Variants in GPHN observed in about 807,000 individuals in gnomAD.
GPHN encodes gephyrin.
GPHN carries 17 observed loss-of-function variants against 95.5 expected under a neutral mutation model. The observed-to-expected ratio is 0.18, with a 90% CI of 0.12 to 0.27. GPHN has a LOEUF of 0.27. GPHN is among the 10% of genes least tolerant of loss of function. GPHN has a pLI of 1.00. For synonymous variants in GPHN, 320 were observed against 322.5 expected (o/e 0.99, Z 0.08); for missense variants, 660 against 978.1 (o/e 0.67, Z 4.34).
At chr14:67,156,250 T>C (rs2081580228) in intron 18 of GPHN, among the ~76,000 whole-genome samples, 1 of 152,104 alleles carries the variant, frequency 6.6e-6, no homozygotes, top group Admixed American at 6.5e-5. Flanking sequence ...ATCAAGTATA[T>C]ATTGTCAACA....
intron 10 of GPHN, among the ~76,000 whole-genome samples, chr14:67,031,073 T>C (rs1266328493): frequency 1.3e-5 from 2 of 152,108 alleles, no homozygotes; most frequent in African/African-American, 2.4e-5. Flanking sequence ...ATCTCATGTA[T>C]CCACTTTGGC....
intron 2 of GPHN, among the ~76,000 whole-genome samples, chr14:66,745,478 C>T (rs1447659815): frequency 6.6e-6 from 1 of 151,870 alleles, no homozygotes; most frequent in East Asian, 1.9e-4. Flanking sequence ...TTAGATTTCT[C>T]CAATTATCTC....
At chr14:67,128,501 A>G (rs1226127698) in intron 17 of GPHN, among the ~76,000 whole-genome samples, 4 of 152,240 alleles carry the variant, frequency 2.6e-5, no homozygotes, top group Admixed American at 6.5e-5. Context: ...TTTATCTCAC[A>G]TTGAATAGCA....
At chr14:67,483,923 T>C in the GPHN span, among the ~76,000 whole-genome samples, 1 of 151,872 alleles carries the variant, frequency 6.6e-6, no homozygotes, top group Non-Finnish European at 1.5e-5. Flanking sequence ...GCAGGGTGAG[T>C]GGGCTTGGGG....
intron 1 of GPHN, among the ~76,000 whole-genome samples, chr14:66,578,055 A>G (rs1450491864): frequency 6.6e-6 from 1 of 151,964 alleles, no homozygotes; most frequent in African/African-American, 2.4e-5. Flanking sequence ...AACAATCTGA[A>G]CAAGAGAAGG....
chr14:66,945,967 C>G (rs2067723279), intron 8 of GPHN, among the ~76,000 whole-genome samples: 2 of 151,770 alleles, frequency 1.3e-5, no homozygotes, highest in African/African-American at 4.8e-5. Flanking sequence ...ATTTCTTTTT[C>G]TTTTTTTCTG....
intron 1 of GPHN, among the ~76,000 whole-genome samples, chr14:66,639,453 T>G (rs1351400193): frequency 1.3e-5 from 2 of 152,142 alleles, no homozygotes; most frequent in Non-Finnish European, 2.9e-5. Context: ...GATGAAGCGT[T>G]AGTTGCATTT....
chr14:67,175,556 T>G (rs1432212551), intron 21 of GPHN, among the ~76,000 whole-genome samples: 3 of 152,222 alleles, frequency 2.0e-5, no homozygotes, highest in Non-Finnish European at 4.4e-5. Context: ...GTCTTGGCAC[T>G]GAGGGCTCTT....
chr14:67,152,430 T>C (rs902981162), intron 18 of GPHN, among the ~76,000 whole-genome samples: 2 of 152,040 alleles, frequency 1.3e-5, no homozygotes, highest in African/African-American at 4.8e-5. Context: ...CTCATAAATA[T>C]ATAAAATGAA....
At chr14:67,690,249 G>A in the GPHN span, 20 of 1,614,008 alleles carry the variant, frequency 1.2e-5, no homozygotes, top group South Asian at 2.0e-4. Context: ...TGAAGAGGAT[G>A]TTGGCTAGCT....
the GPHN span, among the ~76,000 whole-genome samples, chr14:67,246,273 C>T: frequency 3.3e-5 from 5 of 151,568 alleles, no homozygotes; most frequent in Admixed American, 6.6e-5. Flanking sequence ...GGACCACAGG[C>T]GTGCCACCGC....
chr14:67,578,980 A>T, the GPHN span, among the ~76,000 whole-genome samples: 1 of 152,244 alleles, frequency 6.6e-6, no homozygotes, highest in Non-Finnish European at 1.5e-5. The surrounding 1 kb of genome is among the most constrained non-coding windows in gnomAD (Gnocchi z 5.0). Flanking sequence ...GTCCTGAATG[A>T]CAAATTAATG....
intron 2 of GPHN, among the ~76,000 whole-genome samples, chr14:66,757,132 TG>T (rs2058585484): frequency 6.6e-6 from 1 of 151,982 alleles, no homozygotes. Flanking sequence ...GAGGTGGAGG[TG>T]GGGAATCCAG....
At chr14:66,895,550 T>C (rs2064796951) in intron 5 of GPHN, among the ~76,000 whole-genome samples, 1 of 152,130 alleles carries the variant, frequency 6.6e-6, no homozygotes, top group African/African-American at 2.4e-5. Flanking sequence ...GGAAATAATA[T>C]TTTTGAAGTA....
At chr14:66,908,345 C>A (rs1470498010) in intron 5 of GPHN, among the ~76,000 whole-genome samples, 1 of 151,814 alleles carries the variant, frequency 6.6e-6, no homozygotes, top group Non-Finnish European at 1.5e-5. Context: ...ATTGACATCT[C>A]CCGATGACCA....
the GPHN span, among the ~76,000 whole-genome samples, chr14:67,595,123 C>A: frequency 6.8e-6 from 1 of 146,204 alleles, no homozygotes. Flanking sequence ...GGTGACAGAG[C>A]GAGACTCCGT....
the GPHN span, among the ~76,000 whole-genome samples, chr14:67,631,008 C>T: frequency 6.6e-6 from 1 of 152,176 alleles, no homozygotes. Flanking sequence ...TCTCCCTATG[C>T]TCTAGACCCC....
intron 1 of GPHN, among the ~76,000 whole-genome samples, chr14:66,578,151 A>C (rs1332286120): frequency 6.6e-6 from 1 of 151,712 alleles, no homozygotes; most frequent in African/African-American, 2.4e-5. Context: ...TTTTAAACAA[A>C]AATTTATAAA....
At chr14:67,081,616 A>G (rs1242266913) in intron 11 of GPHN, among the ~76,000 whole-genome samples, 1 of 152,084 alleles carries the variant, frequency 6.6e-6, no homozygotes, top group Non-Finnish European at 1.5e-5. Flanking sequence ...AGTCCCACCT[A>G]TTTATCATTG....
Sources: allele counts gnomAD v4.1 joint callset (sites outside exome capture counted in the v4.1 genomes callset), GRCh38; gene constraint gnomAD v4.1.1; non-coding constraint Gnocchi (gnomAD v3.1); transcripts MANE v1.5; gene names NCBI Gene and HGNC (gene_info 2026-07-23, HGNC 2026-07-21).